SCIN: variants seen among roughly 807,000 people sequenced by gnomAD.
The protein encoded by SCIN is adseverin.
A neutral mutation model predicts 91.8 loss-of-function variants in SCIN; 91 were observed. The ratio of observed to expected loss-of-function variants is 0.99; its 90% CI spans 0.84 to 1.18. The LOEUF is 1.18. SCIN is among the 50% of genes most tolerant of loss of function. The pLI is 0.00. For missense variants in SCIN, 1,087 were observed against 863.9 expected, an observed-to-expected ratio of 1.26 and a Z score of -3.24; for synonymous variants, 367 against 312.6, an observed-to-expected ratio of 1.17 and a Z score of -1.84.
intron 4 of SCIN, among the ~76,000 whole-genome samples, chr7:12,607,865 A>G (rs1783110290): frequency 6.6e-6 from 1 of 152,186 alleles, no homozygotes; most frequent in African/African-American, 2.4e-5. Context: ...TTAGTGTTGT[A>G]ATGATAAGGA....
At chr7:12,610,656 C>G (rs1190809661) in intron 4 of SCIN, among the ~76,000 whole-genome samples, 1 of 152,086 alleles carries the variant, frequency 6.6e-6, no homozygotes, top group African/African-American at 2.4e-5. Context: ...TAGACATGAA[C>G]AAAGTCATAT....
rs1051444547 is a variant in SCIN, at chr7:12,589,777, C to T, written c.516+8556C>T. Among the ~76,000 whole-genome samples the T allele has an allele frequency of 1.1e-4, 17 of 152,084 alleles. 1 individual carries two copies. The highest frequency in any genetic ancestry group is 7.9e-4 in the Admixed American group (12 of 15,272). On this transcript the variant is annotated intron_variant, in intron 3 of 15. Transcript: ENST00000297029. ...GTCGGCTTGTTGGCAGAGGAGATAGCTCATGAGGGAGACTGTTGGGAGGTA... is the reference window on the plus strand; with the variant it reads ...GTCGGCTTGTTGGCAGAGGAGATAGTTCATGAGGGAGACTGTTGGGAGGTA...
rs888127773 is a variant in SCIN, at chr7:12,656,033, G to A, written c.*3318G>A. On this transcript the variant is annotated 3_prime_UTR_variant, in exon 16 of 16. Transcript: ENST00000297029. ...CCTTGGTGAGCCATTTAGATCCTCT[G>A]TATCTTCTCAAGCACAATCCTCAGT... 6.6e-6 allele frequency: 1 copy of A among 152,122 alleles called. No individual in the cohort carries two copies. Among genetic ancestry groups the A allele is most frequent in the East Asian group, 1.9e-4 (1 of 5,190 alleles). 9.4% of individuals were successfully genotyped at this position (152,122 alleles called of 1,614,324 possible).
Position 12,649,454 on chromosome 7 carries a change from T to G in SCIN, c.1882-13T>G. The G allele has an allele frequency of 6.4e-7, 1 of 1,571,898 alleles. No homozygotes were observed. Among genetic ancestry groups the G allele is most frequent in the South Asian group, 1.2e-5 (1 of 85,024 alleles). On this transcript the variant is annotated splice_polypyrimidine_tract_variant and intron_variant, in intron 13 of 15. Transcript: ENST00000297029. Reference sequence around the variant, plus strand: ...CTTTACTTTTTGCTCATATAGCTTTTTATACCTTTCAGATTGAAGAGATTC... The same window carrying G: ...CTTTACTTTTTGCTCATATAGCTTTGTATACCTTTCAGATTGAAGAGATTC...
chr7:12,591,929 G>T (rs934331921), intron 3 of SCIN, among the ~76,000 whole-genome samples: 1 of 152,132 alleles, frequency 6.6e-6, no homozygotes, highest in Non-Finnish European at 1.5e-5. Flanking sequence ...GAGAGCAGTG[G>T]CCGTGTGAGT....
chr7:12,571,941 C>T (rs527246415), intron 1 of SCIN, among the ~76,000 whole-genome samples: 2 of 152,128 alleles, frequency 1.3e-5, no homozygotes, highest in Non-Finnish European at 1.5e-5. Context: ...TTCTCTGAGC[C>T]TTTTTGCCTT....
In SCIN at chr7:12,581,158, A is replaced by C. The variant is rs370922600; in HGVS notation, c.453A>C (p.Thr151=). ...AGGGTCGTAGAGTGGTGAGAGCCACAGAAGTTCCCCTTAGCTGGGACAGTT... is the reference window on the plus strand; with the variant it reads ...AGGGTCGTAGAGTGGTGAGAGCCACCGAAGTTCCCCTTAGCTGGGACAGTT... ...HVKGRRVVRA[T]EVPLSWDSFN... Residue 151 remains threonine, a synonymous_variant, in exon 3 of 16, where the codon ACA becomes ACC. Coordinates refer to ENST00000297029, the MANE Select transcript of SCIN (RefSeq NM_001112706.3). 4.1e-5 allele frequency: 63 copies of C among 1,551,574 alleles called. No homozygotes were observed. The African/African-American group carries it at 7.7e-4, about 19-fold the overall frequency.
chr7:12,610,015 G>A (rs1040746380), intron 4 of SCIN, among the ~76,000 whole-genome samples: 3 of 152,202 alleles, frequency 2.0e-5, no homozygotes, highest in African/African-American at 7.2e-5. Flanking sequence ...CTAGAAAATA[G>A]TCAGAAAGTG....
chr7:12,645,841 T>C (rs1465886067), intron 13 of SCIN, among the ~76,000 whole-genome samples: 1 of 152,224 alleles, frequency 6.6e-6, no homozygotes, highest in Admixed American at 6.5e-5. Flanking sequence ...GATTAAGCTG[T>C]TCTTAAAAGT....
chr7:12,582,067 A>T (rs1287750882), intron 3 of SCIN, among the ~76,000 whole-genome samples: 3 of 152,102 alleles, frequency 2.0e-5, no homozygotes, highest in Non-Finnish European at 4.4e-5. Flanking sequence ...CATTCCTAAC[A>T]TTTCTGGGCC....
chr7:12,649,850 G>T (rs1180398), intron 14 of SCIN, among the ~76,000 whole-genome samples: 33,836 of 152,132 alleles, frequency 0.22, 4,523 homozygotes, highest in East Asian at 0.52. Context: ...ACTAACAAGT[G>T]CATTCGTGTG....
At chr7:12,571,101 C>T (rs939924651) in intron 1 of SCIN, 116 bp downstream of exon 1, 24 of 1,153,688 alleles carry the variant, frequency 2.1e-5, no homozygotes, top group African/African-American at 1.3e-4. Flanking sequence ...GCTAGCCACT[C>T]GCGCCCCCAC....
At position 12,570,963 on chromosome 7, in the gene SCIN, C is replaced by G. The variant is rs6948573; in HGVS notation, c.177C>G (p.Thr59=). The G allele has an allele frequency of 3.0e-4, 471 of 1,551,172 alleles. No individual in the cohort carries two copies. In the African/African-American group the frequency reaches 5.6e-3, roughly 18 times the overall value. ...CGGCCAAGACGAGCCGAGGCTTCACCTACCACCTGCACTTCTGGCTCGGTA... is the reference window on the plus strand; with the variant it reads ...CGGCCAAGACGAGCCGAGGCTTCACGTACCACCTGCACTTCTGGCTCGGTA... ...LHTAKTSRGF[T]YHLHFWLGKE... The change falls in exon 1 of 16, where the codon ACC becomes ACG. Residue 59 remains threonine (T), a synonymous_variant. Coordinates refer to ENST00000297029, the MANE Select transcript of SCIN (RefSeq NM_001112706.3).
intron 4 of SCIN, among the ~76,000 whole-genome samples, chr7:12,610,224 A>C (rs762315601): frequency 1.3e-5 from 2 of 152,266 alleles, no homozygotes; most frequent in Non-Finnish European, 2.9e-5. Flanking sequence ...TCACAGTATG[A>C]AAACAAAAGA....
rs746715889 is a variant in SCIN, at chr7:12,629,224, T to A, written c.1319+2T>A. ...CAGAGGACAGATTATCTACACGTGGTGAGTTTATACGGGTAAAGATCTCGA... is the reference window on the plus strand; with the variant it reads ...CAGAGGACAGATTATCTACACGTGGAGAGTTTATACGGGTAAAGATCTCGA... On this transcript the variant is annotated splice_donor_variant, in intron 9 of 15. Transcript: ENST00000297029. LOFTEE classifies it high-confidence loss of function. 6.2e-7 allele frequency: 1 copy of A among 1,607,418 alleles called. No individual in the cohort carries two copies. The highest frequency in any genetic ancestry group is 1.7e-5 in the Admixed American group (1 of 58,580).
intron 3 of SCIN, among the ~76,000 whole-genome samples, chr7:12,587,389 T>C (rs1782609749): frequency 6.6e-6 from 1 of 152,194 alleles, no homozygotes; most frequent in Non-Finnish European, 1.5e-5. Flanking sequence ...GTCTGGTTTG[T>C]ACTCATCAGT....
rs1249396556 is a variant in SCIN, at chr7:12,649,533, G to T, written c.1948G>T (p.Ala650Ser). 4 of 1,597,350 alleles carry T rather than the reference G, an allele frequency of 2.5e-6. No individual in the cohort carries two copies. The highest frequency in any genetic ancestry group is 2.7e-5 in the African/African-American group (2 of 74,724). Residue 650 changes from alanine to serine, a missense_variant, in exon 14 of 16, where the codon GCT becomes TCT. Physicochemically the swap from Ala to Ser is moderately conservative, Grantham distance 99 (BLOSUM62 1). Coordinates refer to ENST00000297029, the MANE Select transcript of SCIN (RefSeq NM_001112706.3). ...LAEDDVMLLDAWEQIFIWIGK... is the reference protein window; with the variant it reads ...LAEDDVMLLDSWEQIFIWIGK... ...TGAAGATGATGTCATGTTACTAGAT[G>T]CTTGGGAACAGGTAAAACTACATTT...
intron 3 of SCIN, among the ~76,000 whole-genome samples, chr7:12,603,459 G>A (rs1252961035): frequency 6.6e-6 from 1 of 151,904 alleles, no homozygotes; most frequent in African/African-American, 2.4e-5. Flanking sequence ...TTTTTATAAT[G>A]ATGCTAAACC....
chr7:12,610,005 C>T lies in SCIN; in HGVS notation c.666+5342C>T, dbSNP rs139802164. Among the ~76,000 whole-genome samples the T allele has an allele frequency of 5.6e-4, 85 of 152,234 alleles. 1 individual carries two copies. In the East Asian group the frequency reaches 0.014, roughly 25 times the overall value. On this transcript the variant is annotated intron_variant, in intron 4 of 15. Coordinates refer to ENST00000297029, the MANE Select transcript of SCIN (RefSeq NM_001112706.3). ...GTCTGGTTGAGGAGATAAGCATGCA[C>T]TAGAAAATAGTCAGAAAGTGTGGGA...
Sources: allele counts gnomAD v4.1 joint callset (sites outside exome capture counted in the v4.1 genomes callset), GRCh38; gene constraint gnomAD v4.1.1; transcripts MANE v1.5; gene names NCBI Gene and HGNC (gene_info 2026-07-23, HGNC 2026-07-21).